Variants in GRM7 observed in about 807,000 individuals in gnomAD.
GRM7 encodes the protein glutamate metabotropic receptor 7.
In GRM7, 35 loss-of-function variants were observed where a neutral mutation model predicts 84.5. The ratio of observed to expected loss-of-function variants is 0.41; its 90% CI spans 0.32 to 0.55. The LOEUF is 0.55. Among genes scored for constraint, GRM7 ranks in the 20% least tolerant of loss-of-function variants. The pLI, the probability that GRM7 is intolerant of heterozygous loss-of-function variation, is 0.19. For synonymous variants in GRM7, 487 were observed against 455.1 expected, an observed-to-expected ratio of 1.07 and a Z score of -0.89; for missense variants, 1,003 against 1,194.6, an observed-to-expected ratio of 0.84 and a Z score of 2.36.
intron 7 of GRM7, among the ~76,000 whole-genome samples, chr3:7,550,033 C>T (rs997317626): frequency 1.3e-5 from 2 of 151,974 alleles, no homozygotes; most frequent in African/African-American, 2.4e-5. Context: ...GGATTTTTAC[C>T]ACCATCATCC....
chr3:7,674,427 GGTGATCT>G (rs1250574684), intron 8 of GRM7, among the ~76,000 whole-genome samples: 1 of 152,052 alleles, frequency 6.6e-6, no homozygotes, highest in East Asian at 1.9e-4. Context: ...CCTGACCTCA[GGTGATCT>G]GCCTGCCTCG....
intron 5 of GRM7, among the ~76,000 whole-genome samples, chr3:7,432,218 A>G (rs1424003257): frequency 6.6e-6 from 1 of 152,254 alleles, no homozygotes; most frequent in Non-Finnish European, 1.5e-5. Flanking sequence ...ATCAACCCTT[A>G]TTACCTGATA....
At chr3:7,366,334 A>G (rs1161523921) in intron 4 of GRM7, among the ~76,000 whole-genome samples, 1 of 151,796 alleles carries the variant, frequency 6.6e-6, no homozygotes, top group Non-Finnish European at 1.5e-5. Flanking sequence ...AAGATTATGT[A>G]TGTATTTAAA....
chr3:7,228,798 T>G (rs1047797012), intron 2 of GRM7, among the ~76,000 whole-genome samples: 5 of 152,226 alleles, frequency 3.3e-5, no homozygotes, highest in African/African-American at 1.2e-4. Flanking sequence ...CTTTATTTGC[T>G]TTTCCATTGT....
At chr3:7,713,087 T>A (rs1287152023) in intron 9 of GRM7, among the ~76,000 whole-genome samples, 1 of 151,208 alleles carries the variant, frequency 6.6e-6, no homozygotes, top group Admixed American at 6.6e-5. Flanking sequence ...CTGAATAAGG[T>A]CATATTCACA....
intron 1 of GRM7, among the ~76,000 whole-genome samples, chr3:7,050,417 G>A (rs969941040): frequency 4.6e-5 from 7 of 151,804 alleles, no homozygotes; most frequent in Admixed American, 1.3e-4. Context: ...CATAAGCTTC[G>A]TAGCCTGGAA....
At chr3:6,998,795 G>C (rs987283055) in intron 1 of GRM7, among the ~76,000 whole-genome samples, 2 of 152,212 alleles carry the variant, frequency 1.3e-5, no homozygotes, top group African/African-American at 4.8e-5. Flanking sequence ...CTTTTAGCCA[G>C]AGGTAGAGCA....
At chr3:7,199,054 G>T (rs111952413) in intron 2 of GRM7, among the ~76,000 whole-genome samples, 1 of 152,134 alleles carries the variant, frequency 6.6e-6, no homozygotes, top group African/African-American at 2.4e-5. Flanking sequence ...AAAAGCTACT[G>T]CTATCAATTT....
At chr3:6,951,054 C>G (rs1409604858) in intron 1 of GRM7, among the ~76,000 whole-genome samples, 4 of 152,156 alleles carry the variant, frequency 2.6e-5, no homozygotes, top group Non-Finnish European at 5.9e-5. Flanking sequence ...GTGCGCTGCA[C>G]CCACTGTCCG....
chr3:7,335,921 C>CA (rs942017641), intron 4 of GRM7, among the ~76,000 whole-genome samples: 1 of 151,248 alleles, frequency 6.6e-6, no homozygotes, highest in Non-Finnish European at 1.5e-5. Flanking sequence ...TAAAAATTGC[C>CA]AAAAAAAGGT....
intron 2 of GRM7, among the ~76,000 whole-genome samples, chr3:7,166,932 C>G (rs1253332219): frequency 6.6e-6 from 1 of 151,964 alleles, no homozygotes; most frequent in Non-Finnish European, 1.5e-5. Flanking sequence ...ATCATGACAA[C>G]CTTTGTATTT....
intron 1 of GRM7, among the ~76,000 whole-genome samples, chr3:7,082,750 T>C (rs1224974264): frequency 1.3e-5 from 2 of 152,120 alleles, no homozygotes; most frequent in Non-Finnish European, 2.9e-5. Flanking sequence ...AACAGGAGTT[T>C]GGAAGAAATT....
chr3:7,318,233 T>G (rs73130290), intron 4 of GRM7, among the ~76,000 whole-genome samples: 7,412 of 151,762 alleles, frequency 0.049, 583 homozygotes, highest in African/African-American at 0.17. Context: ...GAAAACAGTT[T>G]TTATCTGTTT....
At chr3:7,208,529 G>A (rs1303776893) in intron 2 of GRM7, among the ~76,000 whole-genome samples, 1 of 152,098 alleles carries the variant, frequency 6.6e-6, no homozygotes, top group East Asian at 1.9e-4. Flanking sequence ...GTTCTGTGCT[G>A]GGTGGTTGAG....
chr3:7,216,326 G>A (rs1367370108), intron 2 of GRM7, among the ~76,000 whole-genome samples: 1 of 152,074 alleles, frequency 6.6e-6, no homozygotes, highest in Non-Finnish European at 1.5e-5. Flanking sequence ...ACAATGAGAG[G>A]ACTCTACTGA....
Position 7,079,528 on chromosome 3 carries a change from A to T in GRM7, c.520-66924A>T, listed in dbSNP as rs183312412. Among the ~76,000 whole-genome samples the T allele has an allele frequency of 5.1e-3, 769 of 152,252 alleles. 7 individuals carry two copies. The highest frequency in any genetic ancestry group is 0.016 in the African/African-American group (667 of 41,566). On this transcript the variant is annotated intron_variant, in intron 1 of 9. Transcript: ENST00000357716. ...TTGAAACATTTCTTTTTTTTTATTT[A>T]AAAATAATTCAAATTGACTCTGGAG... is the stretch of plus-strand genomic sequence containing the variant.
intron 2 of GRM7, among the ~76,000 whole-genome samples, chr3:7,172,550 G>GC (rs61587256): frequency 0.14 from 9,118 of 65,870 alleles, 474 homozygotes; most frequent in African/African-American, 0.26. Flanking sequence ...CTTCCCCCCC[G>GC]CCCCCCCCAC....
At chr3:7,644,573 C>G (rs574241774) in intron 8 of GRM7, among the ~76,000 whole-genome samples, 69 of 152,262 alleles carry the variant, frequency 4.5e-4, no homozygotes, top group Non-Finnish European at 6.9e-4. Context: ...ATTCCTCAAT[C>G]TTTATTCCTC....
chr3:7,440,496 G>A (rs1023162821), intron 5 of GRM7, among the ~76,000 whole-genome samples: 2 of 152,152 alleles, frequency 1.3e-5, no homozygotes, highest in Non-Finnish European at 2.9e-5. Context: ...GTGAAATCAT[G>A]GCTTTTTAAT....
Sources: gnomAD v4.1 joint callset for allele counts (sites outside exome capture counted in the v4.1 genomes callset) on GRCh38, gnomAD v4.1.1 for gene constraint, MANE v1.5 for transcripts, NCBI Gene and HGNC (gene_info 2026-07-23, HGNC 2026-07-21) for gene names.